The following ARMH3 variants were observed in gnomAD, a reference collection of about 807,000 sequenced individuals.
The protein encoded by ARMH3 is armadillo-like helical domain-containing protein 3.
ARMH3 carries 60 observed loss-of-function variants against 99.1 expected under a neutral mutation model. The observed-to-expected ratio is 0.61, with a 90% CI of 0.49 to 0.75. The LOEUF (loss-of-function observed/expected upper bound fraction) is 0.75. Ranked by LOEUF, ARMH3 falls within the 30% of genes least tolerant of loss-of-function variation. The probability of loss-of-function intolerance (pLI) is 0.00; values close to 1 mark genes in which losing one functional copy is unlikely to be tolerated. For synonymous variants in ARMH3, 285 were observed against 292.8 expected (o/e 0.97, Z 0.27); for missense variants, 679 against 843.1 (o/e 0.81, Z 2.41).
intron 15 of ARMH3, among the ~76,000 whole-genome samples, chr10:101,995,950 C>T (rs1415252447): frequency 6.6e-6 from 1 of 152,232 alleles, no homozygotes; most frequent in Non-Finnish European, 1.5e-5. Flanking sequence ...TACTATGTGG[C>T]AGGCACTGTG....
In ARMH3 at chr10:101,957,700, T is replaced by G; in HGVS notation, c.1528A>C (p.Asn510His). The change falls in exon 21 of 26, where the codon AAT (asparagine) becomes CAT (histidine). Residue 510 changes from asparagine to histidine, a missense_variant. Asn to His is a moderately conservative substitution (Grantham distance 68). This residue lies in a region of ARMH3 where 389 missense variants were observed against 456.5 expected (regional missense o/e 0.85). Coordinates refer to ENST00000370033, the MANE Select transcript of ARMH3 (RefSeq NM_024541.3). The part of the protein sequence containing the change: ...LINLLKFLMS[N>H]ETVLLAKHNI... The stretch of plus-strand genomic sequence containing the variant: ...TGTTTGGCCAAAAGTACAGTCTCAT[T>G]TGACATAAGGAACTTCAGCAAATTT... The G allele has an allele frequency of 6.8e-6, 11 of 1,606,946 alleles. No homozygotes were observed. The highest frequency in any genetic ancestry group is 9.3e-6 in the Non-Finnish European group (11 of 1,177,988).
rs1468693285 is a variant in ARMH3 at position 101,847,289 on chromosome 10, C to A, written c.*239G>T. The A allele has an allele frequency of 5.8e-5, 27 of 468,220 alleles. 1 individual carries two copies. In the East Asian group the frequency reaches 8.7e-4, roughly 15 times the overall value. 29.0% of individuals were successfully genotyped at this position (468,220 alleles called of 1,614,324 possible). A position where few individuals can be genotyped will look rare whatever the true frequency, so the allele number is the denominator to read the frequency against. On this transcript the variant is annotated 3_prime_UTR_variant, in exon 26 of 26. Coordinates refer to ENST00000370033, the MANE Select transcript of ARMH3 (RefSeq NM_024541.3). ...TTAGGGAGCCCACTCTGGAAGTCCC[C>A]ACATTCCTGGAGGCCTCTCCCCACT...
intron 23 of ARMH3, among the ~76,000 whole-genome samples, chr10:101,936,575 C>T (rs1843988120): frequency 6.8e-6 from 1 of 147,188 alleles, no homozygotes; most frequent in Non-Finnish European, 1.5e-5. Context: ...AAATGCTAAA[C>T]CTAAAAAAAA....
At chr10:102,024,981 AAG>A (rs2066969121) in intron 6 of ARMH3, among the ~76,000 whole-genome samples, 173 bp downstream of exon 6, 1 of 152,192 alleles carries the variant, frequency 6.6e-6, no homozygotes, top group Non-Finnish European at 1.5e-5. Flanking sequence ...AATTGCTCCA[AAG>A]AGGAAGCAAA....
chr10:102,040,182 T>C, intron 1 of ARMH3, 57 bp from the exon 2 acceptor site: 3 of 1,370,440 alleles, frequency 2.2e-6, no homozygotes, highest in Non-Finnish European at 2.1e-6. Flanking sequence ...GATACTATAA[T>C]GGCAGATATA....
rs190289021 is a variant in ARMH3, at chr10:102,044,095, T to C, written c.-11-3970A>G. On this transcript the variant is annotated intron_variant, in intron 1 of 25. Coordinates refer to ENST00000370033, the MANE Select transcript of ARMH3 (RefSeq NM_024541.3). ...CCACACCCAGCTAATTTTTTTCTTT[T>C]TTTTTTTTTTTTTTTGGAGACGGAG... 9.5e-3 allele frequency among the ~76,000 whole-genome samples: 1,398 copies of C among 147,018 alleles called. 18 individuals carry two copies. Among genetic ancestry groups the C allele is most frequent in the African/African-American group, 0.033 (1,319 of 40,110 alleles).
At chr10:101,864,854 C>A (rs1354317587) in intron 24 of ARMH3, among the ~76,000 whole-genome samples, 1 of 149,540 alleles carries the variant, frequency 6.7e-6, no homozygotes, top group Non-Finnish European at 1.5e-5. Flanking sequence ...AACAAACCTG[C>A]ACATTGTGCA....
chr10:101,997,597 A>T (rs987977526), intron 15 of ARMH3, among the ~76,000 whole-genome samples: 1 of 152,112 alleles, frequency 6.6e-6, no homozygotes, highest in African/African-American at 2.4e-5. Context: ...TCTCAAAAAA[A>T]AAAAAAAAAT....
intron 22 of ARMH3, among the ~76,000 whole-genome samples, chr10:101,951,896 G>C (rs1024962307): frequency 2.8e-5 from 4 of 141,200 alleles, no homozygotes; most frequent in Non-Finnish European, 6.2e-5. Flanking sequence ...AAGAAGAAAG[G>C]AAGGAAGGGA....
chr10:101,973,420 G>C (rs1590112752), intron 20 of ARMH3, among the ~76,000 whole-genome samples: 3 of 150,558 alleles, frequency 2.0e-5, no homozygotes, highest in Admixed American at 2.0e-4. Context: ...TGAGGGCAAT[G>C]TATTCTAGAG....
chr10:101,868,138 T>C (rs563718145), intron 24 of ARMH3, among the ~76,000 whole-genome samples: 1 of 152,288 alleles, frequency 6.6e-6, no homozygotes, highest in South Asian at 2.1e-4. Flanking sequence ...GATATGGATC[T>C]TGGAGAAATT....
At chr10:101,949,286 C>A (rs1209981160) in intron 22 of ARMH3, among the ~76,000 whole-genome samples, 1 of 150,116 alleles carries the variant, frequency 6.7e-6, no homozygotes, top group Non-Finnish European at 1.5e-5. Context: ...ATCAATGAAA[C>A]CAAAAGCTGG....
At chr10:101,852,072 G>C (rs1044768830) in intron 24 of ARMH3, among the ~76,000 whole-genome samples, 5 of 152,318 alleles carry the variant, frequency 3.3e-5, no homozygotes, top group South Asian at 2.1e-4. Context: ...AGGCAGAATA[G>C]AGTAATACAT....
At chr10:101,886,334 C>A (rs533100955) in intron 24 of ARMH3, among the ~76,000 whole-genome samples, 1 of 140,102 alleles carries the variant, frequency 7.1e-6, no homozygotes, top group Non-Finnish European at 1.6e-5. Flanking sequence ...GCAAACATGG[C>A]GAAACCCTAC....
intron 20 of ARMH3, among the ~76,000 whole-genome samples, chr10:101,958,991 T>TA (rs199926931): frequency 6.6e-5 from 10 of 151,828 alleles, no homozygotes; most frequent in South Asian, 2.1e-4. Context: ...CCTCAAATAG[T>TA]AAAAAAAAGC....
intron 24 of ARMH3, among the ~76,000 whole-genome samples, chr10:101,887,734 G>T (rs2067586610): frequency 6.6e-6 from 1 of 151,528 alleles, no homozygotes; most frequent in African/African-American, 2.4e-5. Context: ...CACCCAGCAG[G>T]TATACAATTA....
At chr10:102,051,239 A>G (rs2067696795) in intron 1 of ARMH3, among the ~76,000 whole-genome samples, 1 of 151,686 alleles carries the variant, frequency 6.6e-6, no homozygotes. Flanking sequence ...TTGGGAGGCC[A>G]AGGCCGGCGG....
chr10:101,926,690 A>G (rs1843520562), intron 23 of ARMH3, among the ~76,000 whole-genome samples: 2 of 152,228 alleles, frequency 1.3e-5, no homozygotes, highest in Admixed American at 1.3e-4. Context: ...TATAAAAGTT[A>G]TAACTAGTAG....
At chr10:101,918,782 G>A (rs1843189751) in intron 23 of ARMH3, among the ~76,000 whole-genome samples, 1 of 152,186 alleles carries the variant, frequency 6.6e-6, no homozygotes, top group Admixed American at 6.5e-5. Flanking sequence ...CATTTGTAAT[G>A]TATCCCTAAC....
Sources: gnomAD v4.1 joint callset for allele counts (sites outside exome capture counted in the v4.1 genomes callset) on GRCh38, gnomAD v4.1.1 for gene constraint, gnomAD v4.1.1 regional missense constraint, MANE v1.5 for transcripts, NCBI Gene and HGNC (gene_info 2026-07-23, HGNC 2026-07-21) for gene names.